Variants in TIA1 observed in about 807,000 individuals in gnomAD.
TIA1 encodes cytotoxic granule associated RNA binding protein TIA1.
Under a neutral mutation model 65.9 loss-of-function variants are expected in TIA1, and 23 were observed. The ratio of observed to expected loss-of-function variants is 0.35; its 90% CI spans 0.25 to 0.49. TIA1 has a LOEUF of 0.49. Ranked by LOEUF, TIA1 falls within the 20% of genes least tolerant of loss-of-function variation. TIA1 has a pLI of 0.98. For synonymous variants in TIA1, 147 were observed against 149.4 expected, an observed-to-expected ratio of 0.98 and a Z score of 0.12; for missense variants, 371 against 477.9, an observed-to-expected ratio of 0.78 and a Z score of 2.09.
At chr2:70,243,385 C>T (rs1449056971) in intron 1 of TIA1, among the ~76,000 whole-genome samples, 1 of 152,144 alleles carries the variant, frequency 6.6e-6, no homozygotes, top group Admixed American at 6.6e-5. Flanking sequence ...TGTGATCACA[C>T]CACTGCGCCA....
At chr2:70,228,763 G>A in intron 5 of TIA1, 2 of 1,308,964 alleles carry the variant, frequency 1.5e-6, no homozygotes, top group Non-Finnish European at 9.7e-7. Flanking sequence ...GAAGATCTGG[G>A]TATGAAGCCC....
intron 7 of TIA1, among the ~76,000 whole-genome samples, chr2:70,221,944 T>A (rs1488831921): frequency 2.0e-5 from 3 of 152,068 alleles, no homozygotes; most frequent in Non-Finnish European, 4.4e-5. Context: ...TGTGCCACCA[T>A]GCCTGGCTCA....
intron 1 of TIA1, among the ~76,000 whole-genome samples, chr2:70,241,359 T>C (rs1263615737): frequency 6.6e-6 from 1 of 151,986 alleles, no homozygotes; most frequent in African/African-American, 2.4e-5. Context: ...GGAGAATCGC[T>C]TGAACCCAGG....
intron 7 of TIA1, among the ~76,000 whole-genome samples, chr2:70,219,249 G>C (rs2104043861): frequency 6.6e-6 from 1 of 152,260 alleles, no homozygotes; most frequent in Non-Finnish European, 1.5e-5. Flanking sequence ...GGGAGGAGTA[G>C]CCAGTGATGA....
chr2:70,222,194 GAAAAGGCAAGAGAGATGGGGA>G (rs1681740766), intron 7 of TIA1, among the ~76,000 whole-genome samples: 1 of 151,972 alleles, frequency 6.6e-6, no homozygotes, highest in African/African-American at 2.4e-5. Flanking sequence ...CAAAGTCCTT[GAAAAGGCAAGAGAGATGGGGA>G]CACAATCATA....
At chr2:70,235,192 G>A (rs1447890618) in intron 2 of TIA1, among the ~76,000 whole-genome samples, 1 of 152,150 alleles carries the variant, frequency 6.6e-6, no homozygotes, top group African/African-American at 2.4e-5. Flanking sequence ...AAGACAGGTG[G>A]ATCACCTGAG....
At chr2:70,219,897 A>T (rs1360345727) in intron 7 of TIA1, among the ~76,000 whole-genome samples, 1 of 151,942 alleles carries the variant, frequency 6.6e-6, no homozygotes, top group East Asian at 1.9e-4. Flanking sequence ...CACATTCTTA[A>T]AAAGAAACAA....
chr2:70,248,629 G>A (rs1695602623), upstream of TIA1: 10 of 705,880 alleles, frequency 1.4e-5, no homozygotes, highest in South Asian at 1.3e-4. Context: ...AGATGGCGGC[G>A]AGCCGGGAGC....
In TIA1 at chr2:70,211,297, T is replaced by C. The variant is rs916266300; in HGVS notation, c.*1422A>G. ...CATCAAAGATTAAACCTCTTAATGCTTGGAGCCACCCCAAAATAATAAAAT... is the reference window on the plus strand; with the variant it reads ...CATCAAAGATTAAACCTCTTAATGCCTGGAGCCACCCCAAAATAATAAAAT... On this transcript the variant is annotated 3_prime_UTR_variant, in exon 13 of 13. Transcript: ENST00000433529. 3 of 152,186 alleles carry C rather than the reference T, an allele frequency of 2.0e-5. No individual in the cohort carries two copies. Among genetic ancestry groups the C allele is most frequent in the Non-Finnish European group, 4.4e-5 (3 of 68,038 alleles). The allele number at this position is 152,186 out of a possible 1,614,324, so 9.4% of individuals were successfully genotyped here. A position where few individuals can be genotyped will look rare whatever the true frequency, so the allele number is the denominator to read the frequency against.
intron 7 of TIA1, among the ~76,000 whole-genome samples, chr2:70,218,782 G>C (rs1679884221): frequency 6.6e-6 from 1 of 152,252 alleles, no homozygotes; most frequent in Non-Finnish European, 1.5e-5. Flanking sequence ...ATAATGGGTA[G>C]TAAGGGGATA....
rs559991767 is a variant in TIA1, at chr2:70,240,967, T to C, written c.27-4792A>G. Among the ~76,000 whole-genome samples, 7 of 151,862 alleles carry C rather than the reference T, an allele frequency of 4.6e-5. No homozygotes were observed. The South Asian group carries it at 1.5e-3, about 31-fold the overall frequency. ...TGGATCCCGGATGAGGGGAAAATAG[T>C]TTTTTCTTACAGAATTAATAAATGT... On this transcript the variant is annotated intron_variant, in intron 1 of 12. Transcript: ENST00000433529.
rs186234746 is a variant in TIA1 at position 70,241,269 on chromosome 2, G to A, written c.27-5094C>T. Among the ~76,000 whole-genome samples, 329 of 152,026 alleles carry A rather than the reference G, an allele frequency of 2.2e-3. 3 individuals carry two copies. Among genetic ancestry groups the A allele is most frequent in the Non-Finnish European group, 1.9e-3 (127 of 67,968 alleles). Reference sequence around the variant, plus strand: ...ATCCTGGCCAACATAGTGAAACCCCGTCTCTACTAAAAAATACAAAAAATT... The same window carrying A: ...ATCCTGGCCAACATAGTGAAACCCCATCTCTACTAAAAAATACAAAAAATT... On this transcript the variant is annotated intron_variant, in intron 1 of 12. Transcript: ENST00000433529.
chr2:70,219,060 A>G (rs1680021674), intron 7 of TIA1, among the ~76,000 whole-genome samples: 2 of 152,208 alleles, frequency 1.3e-5, no homozygotes, highest in South Asian at 4.1e-4. Context: ...TTAAGAAAAA[A>G]CTTTGAGATG....
chr2:70,237,915 A>G (rs1689768119), intron 1 of TIA1, among the ~76,000 whole-genome samples: 1 of 151,964 alleles, frequency 6.6e-6, no homozygotes, highest in Admixed American at 6.6e-5. Flanking sequence ...TAATCCCAGC[A>G]CTTTGGGAGG....
At chr2:70,244,365 T>TA (rs1263079970) in intron 1 of TIA1, among the ~76,000 whole-genome samples, 1 of 152,186 alleles carries the variant, frequency 6.6e-6, no homozygotes, top group East Asian at 1.9e-4. Flanking sequence ...TGTAAATTCG[T>TA]AAAAGGCCTA....
chr2:70,223,913 T>C, intron 7 of TIA1, among the ~76,000 whole-genome samples: 1 of 151,844 alleles, frequency 6.6e-6, no homozygotes, highest in Non-Finnish European at 1.5e-5. Flanking sequence ...TCCATCACAG[T>C]ATTTTTATTT....
chr2:70,216,717 A>T lies in TIA1; in HGVS notation c.583+169T>A, dbSNP rs184048934. On this transcript the variant is annotated intron_variant, in intron 8 of 12. Transcript: ENST00000433529. ...AATAGGAGACTTGACATTAGAAATAATATTATTTATAATTACAAAAATGAA... is the reference window on the plus strand; with the variant it reads ...AATAGGAGACTTGACATTAGAAATATTATTATTTATAATTACAAAAATGAA... 2,362 of 1,505,510 alleles carry T rather than the reference A, an allele frequency of 1.6e-3. 49 individuals are homozygous for T. Among genetic ancestry groups the T allele is most frequent in the Non-Finnish European group, 2.5e-4 (282 of 1,131,436 alleles). 93.3% of individuals were successfully genotyped at this position (1,505,510 alleles called of 1,614,324 possible).
chr2:70,225,275 C>G (rs930827645), intron 6 of TIA1: 1 of 1,235,576 alleles, frequency 8.1e-7, no homozygotes, highest in African/African-American at 1.6e-5. Context: ...ATTGGAACTA[C>G]AAGATATAAA....
intron 1 of TIA1, among the ~76,000 whole-genome samples, chr2:70,242,231 T>C (rs1692144464): frequency 6.6e-6 from 1 of 151,960 alleles, no homozygotes; most frequent in African/African-American, 2.4e-5. Context: ...CTCTTGTGCC[T>C]ATAAGAAATT....
Sources: gnomAD v4.1 joint callset for allele counts (sites outside exome capture counted in the v4.1 genomes callset) on GRCh38, gnomAD v4.1.1 for gene constraint, MANE v1.5 for transcripts, NCBI Gene and HGNC (gene_info 2026-07-23, HGNC 2026-07-21) for gene names.